Variants in KPNA1 observed in about 807,000 individuals in gnomAD.
KPNA1 encodes importin subunit alpha-5.
Under a neutral mutation model 70.5 loss-of-function variants are expected in KPNA1, and 10 were observed. The observed-to-expected ratio is 0.14, with a 90% CI of 0.09 to 0.24. KPNA1 has a LOEUF of 0.24. KPNA1 is among the 10% of genes least tolerant of loss of function. KPNA1 has a pLI of 1.00. For synonymous variants in KPNA1, 192 were observed against 221.9 expected, an observed-to-expected ratio of 0.87 and a Z score of 1.20; for missense variants, 397 against 637.9, an observed-to-expected ratio of 0.62 and a Z score of 4.07.
intron 1 of KPNA1, among the ~76,000 whole-genome samples, chr3:122,507,936 T>G (rs2076909750): frequency 6.6e-6 from 1 of 151,834 alleles, no homozygotes; most frequent in Admixed American, 6.6e-5. Context: ...AAATTTCAAA[T>G]CAGGAATTAG....
At chr3:122,429,535 G>T (rs1418651346) in intron 12 of KPNA1, among the ~76,000 whole-genome samples, 1 of 148,442 alleles carries the variant, frequency 6.7e-6, no homozygotes, top group Admixed American at 6.7e-5. Flanking sequence ...GGATATATAT[G>T]AGGAAAACTA....
chr3:122,423,705 A>T lies in KPNA1; in HGVS notation c.*3280T>A, dbSNP rs1374821497. Reference sequence around the variant, plus strand: ...AGACGTACAATAGAATTGGTTGACAAAGTTTGGTTTATAAAATATACTTAC... The same window carrying T: ...AGACGTACAATAGAATTGGTTGACATAGTTTGGTTTATAAAATATACTTAC... On this transcript the variant is annotated 3_prime_UTR_variant, in exon 14 of 14. Transcript: ENST00000344337. 1 of 152,624 alleles carries T rather than the reference A, an allele frequency of 6.6e-6. No individual in the cohort carries two copies. Among genetic ancestry groups the T allele is most frequent in the African/African-American group, 2.4e-5 (1 of 41,446 alleles). The allele number at this position is 152,624 out of a possible 1,614,324, so 9.5% of individuals were successfully genotyped here.
chr3:122,468,982 T>C (rs1291668272), intron 2 of KPNA1, among the ~76,000 whole-genome samples: 4 of 152,064 alleles, frequency 2.6e-5, no homozygotes, highest in Non-Finnish European at 4.4e-5. Flanking sequence ...ATAATAAACA[T>C]GGAATGGAAC....
chr3:122,459,870 A>T (rs1243844020), intron 5 of KPNA1: 1 of 985,372 alleles, frequency 1.0e-6, no homozygotes, highest in Non-Finnish European at 1.2e-6. Context: ...AAAGGAGAGA[A>T]AACATCAAGG....
chr3:122,471,845 A>G (rs925370522), intron 2 of KPNA1, among the ~76,000 whole-genome samples: 1 of 152,230 alleles, frequency 6.6e-6, no homozygotes, highest in Middle Eastern at 3.2e-3. Flanking sequence ...CAGATAAGAC[A>G]AGTTAAGTTA....
intron 12 of KPNA1, among the ~76,000 whole-genome samples, chr3:122,431,896 C>T (rs188951187): frequency 1.3e-5 from 2 of 151,810 alleles, no homozygotes; most frequent in African/African-American, 4.8e-5. Context: ...CTCTGCCTCC[C>T]GGGTTCAAGC....
chr3:122,486,841 C>A (rs1017153035), intron 2 of KPNA1, among the ~76,000 whole-genome samples: 1 of 152,168 alleles, frequency 6.6e-6, no homozygotes, highest in Admixed American at 6.5e-5. Context: ...CCCGCCTCAG[C>A]CTCCCAAAGT....
intron 9 of KPNA1, among the ~76,000 whole-genome samples, chr3:122,442,362 T>G (rs2076076109): frequency 6.6e-6 from 1 of 152,214 alleles, no homozygotes; most frequent in South Asian, 2.1e-4. Flanking sequence ...TTCCCAGGTA[T>G]TCCATCACCT....
intron 11 of KPNA1, among the ~76,000 whole-genome samples, chr3:122,434,403 T>C (rs553316760): frequency 2.0e-5 from 3 of 152,254 alleles, no homozygotes; most frequent in Admixed American, 6.5e-5. Context: ...CCTCTGCTAT[T>C]CCATTCTCTC....
chr3:122,466,645 G>C (rs1006000999), intron 3 of KPNA1, among the ~76,000 whole-genome samples: 5 of 152,114 alleles, frequency 3.3e-5, no homozygotes. Context: ...TTCTGATGTG[G>C]AATCAAGTTT....
intron 8 of KPNA1, among the ~76,000 whole-genome samples, chr3:122,450,436 G>A (rs187003537): frequency 6.6e-6 from 1 of 152,226 alleles, no homozygotes; most frequent in Admixed American, 6.5e-5. Flanking sequence ...ACAAAAATTA[G>A]CCGGGTGTGG....
At chr3:122,442,859 C>T (rs1224352313) in intron 9 of KPNA1, 1 of 152,276 alleles carries the variant, frequency 6.6e-6, no homozygotes, top group African/African-American at 2.4e-5. Flanking sequence ...ATAGGAACAG[C>T]TCTGGTCTGC....
intron 1 of KPNA1, among the ~76,000 whole-genome samples, chr3:122,503,096 C>G (rs373066472): frequency 6.6e-6 from 1 of 151,858 alleles, no homozygotes; most frequent in Non-Finnish European, 1.5e-5. Flanking sequence ...AAAAAAGATT[C>G]GTTAAGTTTC....
chr3:122,504,001 T>C (rs545964212), intron 1 of KPNA1, among the ~76,000 whole-genome samples: 1 of 152,306 alleles, frequency 6.6e-6, no homozygotes, highest in African/African-American at 2.4e-5. Flanking sequence ...AGGAAAACTA[T>C]TCTGTATGAT....
intron 10 of KPNA1, among the ~76,000 whole-genome samples, chr3:122,438,475 C>T (rs1442798017): frequency 6.6e-6 from 1 of 152,114 alleles, no homozygotes; most frequent in Non-Finnish European, 1.5e-5. Flanking sequence ...CAACCTCCGC[C>T]TCCTGGGTTC....
intron 10 of KPNA1, among the ~76,000 whole-genome samples, chr3:122,437,966 G>A (rs1437189137): frequency 1.3e-5 from 2 of 152,122 alleles, no homozygotes; most frequent in Non-Finnish European, 2.9e-5. Context: ...AATGACTTGT[G>A]GCTATGACAG....
chr3:122,473,056 A>G (rs764440120), intron 2 of KPNA1, among the ~76,000 whole-genome samples: 1 of 152,154 alleles, frequency 6.6e-6, no homozygotes, highest in Non-Finnish European at 1.5e-5. Context: ...ACTTCAGCCT[A>G]GGTAACAGCG....
chr3:122,468,016 T>A (rs1423935389), intron 2 of KPNA1, among the ~76,000 whole-genome samples: 3 of 152,284 alleles, frequency 2.0e-5, no homozygotes, highest in Admixed American at 1.3e-4. Context: ...ATTATATCCT[T>A]ATGAATCCTG....
At chr3:122,457,019 C>T (rs1303294609) in intron 5 of KPNA1, among the ~76,000 whole-genome samples, 1 of 152,124 alleles carries the variant, frequency 6.6e-6, no homozygotes, top group Non-Finnish European at 1.5e-5. Context: ...TATGTTTATG[C>T]AGGTATCCAC....
Sources: gnomAD v4.1 joint callset for allele counts (sites outside exome capture counted in the v4.1 genomes callset) on GRCh38, gnomAD v4.1.1 for gene constraint, MANE v1.5 for transcripts, NCBI Gene and HGNC (gene_info 2026-07-23, HGNC 2026-07-21) for gene names.